PPFIBP1: variants seen among roughly 807,000 people sequenced by gnomAD.
The protein encoded by PPFIBP1 is liprin-beta-1.
A neutral mutation model predicts 137.8 loss-of-function variants in PPFIBP1; 112 were observed. The observed-to-expected ratio is 0.81, with a 90% CI of 0.70 to 0.95. The LOEUF is 0.95. Among genes scored for constraint, PPFIBP1 ranks in the 40% least tolerant of loss-of-function variants. PPFIBP1 has a pLI of 0.00. For synonymous variants in PPFIBP1, 378 were observed against 417.3 expected (o/e 0.91, Z 1.15); for missense variants, 1,083 against 1,196.6 (o/e 0.91, Z 1.40).
intron 1 of PPFIBP1, among the ~76,000 whole-genome samples, chr12:27,544,989 G>A (rs972027912): frequency 6.6e-6 from 1 of 152,116 alleles, no homozygotes; most frequent in Non-Finnish European, 1.5e-5. Context: ...CAACCCAAAT[G>A]CCCATCAATG....
intron 1 of PPFIBP1, among the ~76,000 whole-genome samples, chr12:27,570,805 C>T (rs1028309268): frequency 2.6e-5 from 4 of 151,822 alleles, no homozygotes; most frequent in South Asian, 2.1e-4. Flanking sequence ...CCCAGCTACT[C>T]GGGAGGCTGA....
chr12:27,680,186 G>C (rs1288028449), intron 21 of PPFIBP1, 125 bp downstream of exon 21: 4 of 1,311,906 alleles, frequency 3.0e-6, no homozygotes, highest in Non-Finnish European at 4.2e-6. Context: ...CTAATGAAAG[G>C]GGCCATCATC....
At chr12:27,544,194 T>C (rs938880611) in intron 1 of PPFIBP1, among the ~76,000 whole-genome samples, 14 of 152,148 alleles carry the variant, frequency 9.2e-5, no homozygotes, top group African/African-American at 3.1e-4. Flanking sequence ...ATTTTTAAAT[T>C]TGCAGCCAAA....
chr12:27,669,104 A>G (rs2060030945), intron 13 of PPFIBP1, among the ~76,000 whole-genome samples: 1 of 152,312 alleles, frequency 6.6e-6, no homozygotes, highest in South Asian at 2.1e-4. Context: ...ATTTTACTAT[A>G]GGTAGTGAGA....
chr12:27,619,544 C>T (rs1467731514), intron 2 of PPFIBP1, among the ~76,000 whole-genome samples: 4 of 152,210 alleles, frequency 2.6e-5, no homozygotes, highest in Admixed American at 1.3e-4. Context: ...CTGTTTCCTT[C>T]CTTTGATGGA....
chr12:27,680,272 G>C (rs2060802914), intron 21 of PPFIBP1, among the ~76,000 whole-genome samples: 1 of 152,238 alleles, frequency 6.6e-6, no homozygotes, highest in African/African-American at 2.4e-5. Context: ...GGAGAGGCCA[G>C]AGCTAAAGTG....
Position 27,558,142 on chromosome 12 carries a change from T to A in PPFIBP1, c.-123-20010T>A, listed in dbSNP as rs576329419. Among the ~76,000 whole-genome samples the A allele has an allele frequency of 3.3e-5, 5 of 152,376 alleles. No homozygotes were observed. In the South Asian group the frequency reaches 1.0e-3, roughly 32 times the overall value. On this transcript the variant is annotated intron_variant, in intron 1 of 29. Coordinates refer to ENST00000228425, the MANE Select transcript of PPFIBP1 (RefSeq NM_003622.4). ...GTGAATATATTTGGGTGGAAGTGGA[T>A]GAGAAATAGTTTGGAATACAATTAT...
At chr12:27,568,088 T>C (rs1383960026) in intron 1 of PPFIBP1, among the ~76,000 whole-genome samples, 3 of 152,188 alleles carry the variant, frequency 2.0e-5, no homozygotes, top group Non-Finnish European at 4.4e-5. Flanking sequence ...GCCTTTAATC[T>C]AACTCATCTT....
Position 27,653,415 on chromosome 12 carries a change from C to T in PPFIBP1, c.604-1307C>T, listed in dbSNP as rs182011976. On this transcript the variant is annotated intron_variant, in intron 7 of 29. Coordinates refer to ENST00000228425, the MANE Select transcript of PPFIBP1 (RefSeq NM_003622.4). ...AGCCAGGTCAACATGGTAAAACCCC[C>T]GTCTCTACTAAAAATACAAAAATTA... is the stretch of plus-strand genomic sequence containing the variant. 5.5e-4 allele frequency among the ~76,000 whole-genome samples: 83 copies of T among 151,902 alleles called. 1 individual carries two copies. In the East Asian group the frequency reaches 0.012, roughly 22 times the overall value.
chr12:27,571,251 T>C (rs1482222347), intron 1 of PPFIBP1, among the ~76,000 whole-genome samples: 1 of 152,214 alleles, frequency 6.6e-6, no homozygotes, highest in African/African-American at 2.4e-5. Flanking sequence ...ATTATAAATA[T>C]TATAACATTC....
chr12:27,614,732 G>A (rs543581772), intron 2 of PPFIBP1, among the ~76,000 whole-genome samples: 1 of 152,118 alleles, frequency 6.6e-6, no homozygotes, highest in African/African-American at 2.4e-5. Context: ...TCCTTTGGGA[G>A]GAATTTTTTC....
In PPFIBP1 at chr12:27,557,796, A is replaced by G. The variant is rs1336457195; in HGVS notation, c.-123-20356A>G. On this transcript the variant is annotated intron_variant, in intron 1 of 29. Coordinates refer to ENST00000228425, the MANE Select transcript of PPFIBP1 (RefSeq NM_003622.4). The stretch of plus-strand genomic sequence containing the variant: ...CTAAATGCCTCCCTATAGGGGTTTT[A>G]TATGAAAAATGAGTGATGCAGATGT... Among the ~76,000 whole-genome samples, 4 of 152,216 alleles carry G rather than the reference A, an allele frequency of 2.6e-5. No homozygotes were observed. The East Asian group carries it at 7.7e-4, about 29-fold the overall frequency.
intron 27 of PPFIBP1, among the ~76,000 whole-genome samples, chr12:27,689,519 G>A (rs1409833463): frequency 1.3e-5 from 2 of 152,154 alleles, no homozygotes; most frequent in Non-Finnish European, 2.9e-5. Context: ...TTATTTAAAG[G>A]GACAGTACAC....
chr12:27,558,924 G>A (rs892783377), intron 1 of PPFIBP1, among the ~76,000 whole-genome samples: 3 of 151,934 alleles, frequency 2.0e-5, no homozygotes, highest in Non-Finnish European at 4.4e-5. Context: ...GTGCAGTGGC[G>A]TGACCACACT....
intron 1 of PPFIBP1, among the ~76,000 whole-genome samples, chr12:27,567,010 A>C (rs2049733140): frequency 6.6e-6 from 1 of 152,306 alleles, no homozygotes; most frequent in Non-Finnish European, 1.5e-5. Flanking sequence ...TTTATCTTCC[A>C]TATTACTCAG....
chr12:27,582,708 A>T (rs1807090902), intron 2 of PPFIBP1, among the ~76,000 whole-genome samples: 1 of 152,218 alleles, frequency 6.6e-6, no homozygotes, highest in South Asian at 2.1e-4. Context: ...TGCAATTTAC[A>T]GCCATTGTAG....
At chr12:27,564,944 G>C (rs1194385057) in intron 1 of PPFIBP1, among the ~76,000 whole-genome samples, 1 of 152,136 alleles carries the variant, frequency 6.6e-6, no homozygotes, top group East Asian at 1.9e-4. Context: ...CTGCTTCCAG[G>C]CTGTAGGGCA....
chr12:27,592,287 G>C (rs528896670), intron 2 of PPFIBP1, among the ~76,000 whole-genome samples: 3 of 152,168 alleles, frequency 2.0e-5, no homozygotes, highest in African/African-American at 7.2e-5. Context: ...CTTCAAAAAA[G>C]AACAGCACAT....
chr12:27,560,993 TCCTGAGGG>T (rs1452235626), intron 1 of PPFIBP1, among the ~76,000 whole-genome samples: 1 of 152,120 alleles, frequency 6.6e-6, no homozygotes, highest in African/African-American at 2.4e-5. Context: ...CCTCTTAAGA[TCCTGAGGG>T]CCTAAGAATT....
Sources: gnomAD v4.1 joint callset for allele counts (sites outside exome capture counted in the v4.1 genomes callset) on GRCh38, gnomAD v4.1.1 for gene constraint, MANE v1.5 for transcripts, NCBI Gene and HGNC (gene_info 2026-07-23, HGNC 2026-07-21) for gene names.